Variants in TBC1D22B observed in about 807,000 individuals in gnomAD.
The protein encoded by TBC1D22B is TBC1 domain family member 22B, also known as chromosome 6 open reading frame 197.
A neutral mutation model predicts 69.1 loss-of-function variants in TBC1D22B; 32 were observed. The ratio of observed to expected loss-of-function variants is 0.46; its 90% CI spans 0.35 to 0.62. TBC1D22B has a LOEUF of 0.62. TBC1D22B is among the 20% of genes least tolerant of loss of function. The pLI is 0.00. For synonymous variants in TBC1D22B, 206 were observed against 229.8 expected, an observed-to-expected ratio of 0.90 and a Z score of 0.94; for missense variants, 462 against 630.9, an observed-to-expected ratio of 0.73 and a Z score of 2.87.
At chr6:37,277,343 G>A (rs987050407) in intron 2 of TBC1D22B, among the ~76,000 whole-genome samples, 1 of 152,144 alleles carries the variant, frequency 6.6e-6, no homozygotes, top group East Asian at 1.9e-4. Flanking sequence ...CCCCTGAGGT[G>A]GTACTGCAGG....
chr6:37,325,769 C>T (rs4711492), intron 12 of TBC1D22B, among the ~76,000 whole-genome samples: 128,338 of 151,994 alleles, frequency 0.84, 54,379 homozygotes, highest in East Asian at 0.9. Flanking sequence ...AGGCTGGTCG[C>T]GAACTCCTAA....
At chr6:37,313,759 T>G (rs967541439) in intron 9 of TBC1D22B, 57 bp from the exon 10 acceptor site, 10 of 1,515,680 alleles carry the variant, frequency 6.6e-6, no homozygotes, top group Non-Finnish European at 6.4e-6. Flanking sequence ...TCAGTGAATG[T>G]CAGGTGATAA....
chr6:37,279,520 A>C lies in TBC1D22B; in HGVS notation c.330A>C (p.Lys110Asn), dbSNP rs759110095. Residue 110 changes from lysine to asparagine, a missense_variant, in exon 3 of 13, where the codon AAA (lysine) becomes AAC (asparagine). By Grantham distance (94) the Lys-to-Asn change is moderately conservative. Coordinates refer to ENST00000373491, the MANE Select transcript of TBC1D22B (RefSeq NM_017772.4). ...AAAACCACAGCAAGCTGAGAGTAAA[A>C]CCAGAACGGTCCCAGTCAACGACAT... ...VLENHSKLRV[K>N]PERSQSTTSD... is the part of the protein sequence containing the mutation. 6.2e-7 allele frequency: 1 copy of C among 1,614,170 alleles called. No homozygotes were observed. Among genetic ancestry groups the C allele is most frequent in the Non-Finnish European group, 8.5e-7 (1 of 1,180,022 alleles).
At chr6:37,322,432 G>A (rs1379705263) in intron 12 of TBC1D22B, among the ~76,000 whole-genome samples, 8 of 152,236 alleles carry the variant, frequency 5.3e-5, no homozygotes, top group East Asian at 1.9e-4. Flanking sequence ...CAGGAGAATC[G>A]CTTGAACCTG....
intron 1 of TBC1D22B, among the ~76,000 whole-genome samples, chr6:37,265,880 G>A (rs1323798323): frequency 6.6e-6 from 1 of 152,124 alleles, no homozygotes; most frequent in African/African-American, 2.4e-5. Flanking sequence ...TTATTTAAGA[G>A]CATCCTTTAG....
At chr6:37,286,049 A>T (rs1214834883) in intron 6 of TBC1D22B, among the ~76,000 whole-genome samples, 1 of 152,216 alleles carries the variant, frequency 6.6e-6, no homozygotes, top group Non-Finnish European at 1.5e-5. Context: ...ATTCTGAAAG[A>T]TGGGTACCTA....
At chr6:37,273,359 A>G (rs1196868181) in intron 2 of TBC1D22B, among the ~76,000 whole-genome samples, 1 of 152,200 alleles carries the variant, frequency 6.6e-6, no homozygotes, top group Admixed American at 6.5e-5. Flanking sequence ...ACCTTTGACA[A>G]ACACGTGGCT....
intron 8 of TBC1D22B, among the ~76,000 whole-genome samples, chr6:37,302,364 A>G (rs1423273606): frequency 6.6e-6 from 1 of 152,228 alleles, no homozygotes. Flanking sequence ...AGACTGTGGT[A>G]TAATTCTAAA....
intron 1 of TBC1D22B, among the ~76,000 whole-genome samples, chr6:37,261,579 A>G (rs1766102539): frequency 6.6e-6 from 1 of 152,196 alleles, no homozygotes; most frequent in African/African-American, 2.4e-5. Flanking sequence ...GGGACAGAGT[A>G]TCTGCTCCAT....
intron 12 of TBC1D22B, among the ~76,000 whole-genome samples, chr6:37,323,436 G>A (rs1032434716): frequency 1.3e-5 from 2 of 152,146 alleles, no homozygotes; most frequent in Admixed American, 1.3e-4. Flanking sequence ...AAGGTTGGGT[G>A]GGAGGATCAT....
chr6:37,292,244 T>G (rs1032317588), intron 8 of TBC1D22B, among the ~76,000 whole-genome samples: 12 of 145,778 alleles, frequency 8.2e-5, no homozygotes, highest in Non-Finnish European at 1.5e-4. Context: ...AGTGGATGAT[T>G]GTGGTTTTTG....
rs1390616327 is a variant in TBC1D22B, at chr6:37,321,823, TG to T, written c.1389+4618del. On this transcript the variant is annotated intron_variant, in intron 12 of 12. Transcript: ENST00000373491. ...AGATCAGTGGCTGGGGAGGCCGTGTTGACTGGGGAGGAGCATGAGTCTCTGA... is the reference window on the plus strand; with the variant it reads ...AGATCAGTGGCTGGGGAGGCCGTGTTACTGGGGAGGAGCATGAGTCTCTGA... Among the ~76,000 whole-genome samples, 8 of 152,238 alleles carry T rather than the reference TG, an allele frequency of 5.3e-5. No homozygotes were observed. The East Asian group carries it at 1.5e-3, about 29-fold the overall frequency.
intron 12 of TBC1D22B, among the ~76,000 whole-genome samples, chr6:37,319,171 T>C (rs1302703176): frequency 6.6e-6 from 1 of 152,106 alleles, no homozygotes; most frequent in Admixed American, 6.5e-5. Context: ...TTGACTTCTG[T>C]GAGTAGATGC....
At position 37,310,327 on chromosome 6, in the gene TBC1D22B, GA is replaced by G. The variant is rs374923595; in HGVS notation, c.983-2589del. 3.6e-3 allele frequency among the ~76,000 whole-genome samples: 543 copies of G among 151,310 alleles called. 4 individuals carry two copies. Among genetic ancestry groups the G allele is most frequent in the African/African-American group, 0.012 (503 of 41,326 alleles). ...AGGAATAAAAGAAAAATAATAAAAA[GA>G]ATAATAGGAATAAAAGAAAAATGAT... On this transcript the variant is annotated intron_variant, in intron 8 of 12. Coordinates refer to ENST00000373491, the MANE Select transcript of TBC1D22B (RefSeq NM_017772.4).
At chr6:37,273,163 G>C (rs552238498) in intron 2 of TBC1D22B, among the ~76,000 whole-genome samples, 3 of 124,270 alleles carry the variant, frequency 2.4e-5, no homozygotes, top group Non-Finnish European at 4.7e-5. Context: ...AGCTATAGCA[G>C]CCGACTCGTA....
In TBC1D22B at chr6:37,316,817, G is replaced by A; in HGVS notation, c.1280G>A (p.Trp427Ter). The A allele has an allele frequency of 6.2e-7, 1 of 1,614,198 alleles. No individual in the cohort carries two copies. Residue 427 changes from tryptophan (W) to a stop codon, truncating the protein, a stop_gained, in exon 11 of 13, where the codon TGG becomes TAG. Transcript: ENST00000373491. LOFTEE classifies it high-confidence loss of function. ...CCTCTTCGCTGCACCATCCGCCTGT[G>A]GGACACATATCAGGTAGGAGGGATT... ...ELPLRCTIRL[W>*]DTYQSEPEGF... is the part of the protein sequence containing the mutation.
intron 8 of TBC1D22B, among the ~76,000 whole-genome samples, chr6:37,308,468 C>G (rs1767803554): frequency 6.6e-6 from 1 of 152,168 alleles, no homozygotes; most frequent in South Asian, 2.1e-4. Context: ...AAAAATAGAA[C>G]TAAACCCTCC....
At chr6:37,289,889 A>G (rs1401518466) in intron 7 of TBC1D22B, among the ~76,000 whole-genome samples, 1 of 152,180 alleles carries the variant, frequency 6.6e-6, no homozygotes, top group Non-Finnish European at 1.5e-5. Context: ...CTTTTCCTCA[A>G]CTACACAAAG....
At chr6:37,306,677 T>G (rs1221389501) in intron 8 of TBC1D22B, among the ~76,000 whole-genome samples, 1 of 152,170 alleles carries the variant, frequency 6.6e-6, no homozygotes, top group Non-Finnish European at 1.5e-5. Flanking sequence ...AGTGAAAACT[T>G]GGTGGTATGT....
Sources: gnomAD v4.1 joint callset for allele counts (sites outside exome capture counted in the v4.1 genomes callset) on GRCh38, gnomAD v4.1.1 for gene constraint, MANE v1.5 for transcripts, NCBI Gene and HGNC (gene_info 2026-07-23, HGNC 2026-07-21) for gene names.